MOSMO: variants seen among roughly 807,000 people sequenced by gnomAD.
MOSMO encodes the protein modulator of smoothened.
In MOSMO, 5 loss-of-function variants were observed where a neutral mutation model predicts 18.4. The ratio of observed to expected loss-of-function variants is 0.27; its 90% CI spans 0.14 to 0.57. The LOEUF (loss-of-function observed/expected upper bound fraction) is 0.57. Among genes scored for constraint, MOSMO ranks in the 20% least tolerant of loss-of-function variants. The probability of loss-of-function intolerance (pLI) is 0.92; values close to 1 mark genes in which losing one functional copy is unlikely to be tolerated. For synonymous variants in MOSMO, 82 were observed against 82.3 expected, an observed-to-expected ratio of 1.00 and a Z score of 0.02; for missense variants, 138 against 211.8, an observed-to-expected ratio of 0.65 and a Z score of 2.16.
chr16:22,059,459 G>A (rs1900601092), intron 1 of MOSMO, among the ~76,000 whole-genome samples: 1 of 152,158 alleles, frequency 6.6e-6, no homozygotes, highest in Non-Finnish European at 1.5e-5. Flanking sequence ...AAGATGGTGG[G>A]TGTATTAGTC....
At chr16:22,022,560 G>T (rs528197129) in intron 1 of MOSMO, among the ~76,000 whole-genome samples, 3 of 152,236 alleles carry the variant, frequency 2.0e-5, no homozygotes, top group South Asian at 2.1e-4. Context: ...TGCTAACTGG[G>T]TTATGGATGT....
At chr16:22,067,834 C>A (rs1459025628) in intron 1 of MOSMO, among the ~76,000 whole-genome samples, 1 of 151,680 alleles carries the variant, frequency 6.6e-6, no homozygotes, top group Non-Finnish European at 1.5e-5. Flanking sequence ...GAGCCAAGAT[C>A]GTGCCACTGC....
At chr16:22,047,832 G>A (rs1258339965) in intron 1 of MOSMO, among the ~76,000 whole-genome samples, 2 of 152,186 alleles carry the variant, frequency 1.3e-5, no homozygotes, top group Admixed American at 6.5e-5. Context: ...AGAAGCTGAA[G>A]GAAGGGAAAG....
chr16:22,084,199 A>G lies in MOSMO; in HGVS notation c.*3319A>G, dbSNP rs763610178. The G allele has an allele frequency of 6.5e-6, 1 of 153,152 alleles. No homozygotes were observed. Among genetic ancestry groups the G allele is most frequent in the Non-Finnish European group, 1.5e-5 (1 of 68,744 alleles). The allele number at this position is 153,152 out of a possible 1,614,324, so 9.5% of individuals were successfully genotyped here. A position where few individuals can be genotyped will look rare whatever the true frequency, so the allele number is the denominator to read the frequency against. On this transcript the variant is annotated 3_prime_UTR_variant, in exon 3 of 3. Coordinates refer to ENST00000542527, the MANE Select transcript of MOSMO (RefSeq NM_001164579.2). ...CATATGCTGTTAGCTATTATTTTGC[A>G]TCATGGGCTTCATGGGAAGAACATG...
rs770005970 is a variant in MOSMO, at chr16:22,047,238, A to ATTT, written c.107-28226_107-28224dup. The stretch of plus-strand genomic sequence containing the variant: ...TATTCTATACTGTTTATGCACCATA[A>ATTT]TTTTTTTTTTTTTTTTTTTTTTTTT... On this transcript the variant is annotated intron_variant, in intron 1 of 2. Coordinates refer to ENST00000542527, the MANE Select transcript of MOSMO (RefSeq NM_001164579.2). Among the ~76,000 whole-genome samples the ATTT allele has an allele frequency of 6.5e-4, 72 of 110,804 alleles. 1 individual carries two copies. The highest frequency in any genetic ancestry group is 9.4e-4 in the Non-Finnish European group (50 of 53,140). The allele number at this position is 110,804 out of a possible 152,430, so 72.7% of individuals were successfully genotyped here. A position where few individuals can be genotyped will look rare whatever the true frequency, so the allele number is the denominator to read the frequency against.
At chr16:22,051,541 C>G (rs948062156) in intron 1 of MOSMO, among the ~76,000 whole-genome samples, 2 of 152,158 alleles carry the variant, frequency 1.3e-5, no homozygotes, top group Admixed American at 6.5e-5. Context: ...TCTTGTACTT[C>G]ATTAAGGGAA....
intron 1 of MOSMO, among the ~76,000 whole-genome samples, chr16:22,067,762 C>G (rs1258910334): frequency 6.6e-6 from 1 of 151,934 alleles, no homozygotes; most frequent in Non-Finnish European, 1.5e-5. Context: ...GCCTGTAATC[C>G]CAGCTACTCA....
At chr16:22,034,747 T>TG (rs1900071148) in intron 1 of MOSMO, among the ~76,000 whole-genome samples, 1 of 106,620 alleles carries the variant, frequency 9.4e-6, no homozygotes, top group Non-Finnish European at 1.8e-5. Context: ...TTTTTGGGTT[T>TG]TTTTTTTTTT....
intron 1 of MOSMO, among the ~76,000 whole-genome samples, chr16:22,046,673 T>C (rs911472889): frequency 5.9e-5 from 9 of 151,960 alleles, no homozygotes; most frequent in African/African-American, 2.2e-4. Context: ...AAATCATCAG[T>C]AAAAGGCACA....
downstream of MOSMO, among the ~76,000 whole-genome samples, chr16:22,087,835 G>A (rs7201483): frequency 0.031 from 4,735 of 152,032 alleles, 256 homozygotes; most frequent in African/African-American, 0.11. Flanking sequence ...ACCTTGAGCC[G>A]GGACACAAAT....
At chr16:22,033,478 C>G (rs1190263921) in intron 1 of MOSMO, among the ~76,000 whole-genome samples, 1 of 151,836 alleles carries the variant, frequency 6.6e-6, no homozygotes, top group African/African-American at 2.4e-5. Context: ...ACCTCGGCCT[C>G]CTGGGTTCAG....
chr16:22,089,898 T>A (rs968431210), downstream of MOSMO: 1 of 152,120 alleles, frequency 6.6e-6, no homozygotes, highest in African/African-American at 2.4e-5. Context: ...ATTTTTTTTT[T>A]AATCTGTCTG....
At chr16:22,032,192 T>TC (rs1453182110) in intron 1 of MOSMO, among the ~76,000 whole-genome samples, 3 of 149,698 alleles carry the variant, frequency 2.0e-5, no homozygotes, top group African/African-American at 7.3e-5. Flanking sequence ...CCTTTTCTTT[T>TC]TTTTTTTTTT....
chr16:22,008,724 G>A lies in MOSMO; in HGVS notation c.106+317G>A, dbSNP rs561340323. Among the ~76,000 whole-genome samples the A allele has an allele frequency of 1.6e-4, 24 of 147,602 alleles. No homozygotes were observed. The East Asian group carries it at 4.4e-3, about 27-fold the overall frequency. On this transcript the variant is annotated intron_variant, in intron 1 of 2. Coordinates refer to ENST00000542527, the MANE Select transcript of MOSMO (RefSeq NM_001164579.2). Reference sequence around the variant, plus strand: ...GCCCTCCGATGTGAGGGATCGCAGAGGAATGAGCTTCGTTCTGGATTAAAA... The same window carrying A: ...GCCCTCCGATGTGAGGGATCGCAGAAGAATGAGCTTCGTTCTGGATTAAAA...
chr16:22,064,417 C>T (rs771949005), intron 1 of MOSMO: 1 of 456,386 alleles, frequency 2.2e-6, no homozygotes, highest in Non-Finnish European at 4.4e-6. Flanking sequence ...TTACTTCTGC[C>T]AGATTAATCT....
In MOSMO at chr16:22,080,855, C is replaced by G. The variant is rs1901065264; in HGVS notation, c.479C>G (p.Ala160Gly). 9 of 1,413,368 alleles carry G rather than the reference C, an allele frequency of 6.4e-6. No individual in the cohort carries two copies. The East Asian group carries it at 2.3e-4, about 35-fold the overall frequency. The allele number at this position is 1,413,368 out of a possible 1,614,324, so 87.6% of individuals were successfully genotyped here. ...TTTACAATAGTAGGACTTCTATTTG[C>G]TGGCAAAGTTTGTTTACCAGGCTGA... is the stretch of plus-strand genomic sequence containing the variant. ...IFFTIVGLLF[A>G]GKVCLPG The change falls in exon 3 of 3, where the codon GCT (alanine) becomes GGT (glycine). Residue 160 changes from alanine (A) to glycine (G), a missense_variant. Physicochemically the swap from Ala to Gly is moderately conservative, Grantham distance 60. Transcript: ENST00000542527.
chr16:22,012,315 C>T (rs1339291974), intron 1 of MOSMO, among the ~76,000 whole-genome samples: 1 of 152,124 alleles, frequency 6.6e-6, no homozygotes, highest in Non-Finnish European at 1.5e-5. Context: ...GTTCTTTAGC[C>T]TCTCTTTGTC....
At chr16:22,047,842 GAGCTC>G (rs1900345264) in intron 1 of MOSMO, among the ~76,000 whole-genome samples, 1 of 152,172 alleles carries the variant, frequency 6.6e-6, no homozygotes, top group Admixed American at 6.5e-5. Flanking sequence ...GGAAGGGAAA[GAGCTC>G]AGACTGATTT....
intron 1 of MOSMO, among the ~76,000 whole-genome samples, chr16:22,049,616 G>T (rs1444640692): frequency 2.6e-5 from 4 of 151,952 alleles, no homozygotes; most frequent in Admixed American, 6.6e-5. Context: ...ATTGCACAGA[G>T]GTTATTGTTT....
Sources: allele counts gnomAD v4.1 joint callset (sites outside exome capture counted in the v4.1 genomes callset), GRCh38; gene constraint gnomAD v4.1.1; transcripts MANE v1.5; gene names NCBI Gene and HGNC (gene_info 2026-07-23, HGNC 2026-07-21).